The following CMSS1 variants were observed in gnomAD, a reference collection of about 807,000 sequenced individuals.
CMSS1 encodes cms1 ribosomal small subunit homolog.
A neutral mutation model predicts 43.5 loss-of-function variants in CMSS1; 33 were observed. The ratio of observed to expected loss-of-function variants is 0.76; its 90% confidence interval spans 0.57 to 1.01. CMSS1 has a LOEUF of 1.01. CMSS1 is among the 50% of genes least tolerant of loss of function. The pLI is 0.00. For synonymous variants in CMSS1, 115 were observed against 117.2 expected (o/e 0.98, Z 0.12); for missense variants, 313 against 326.4 (o/e 0.96, Z 0.32).
chr3:99,848,455 A>G, intron 1 of CMSS1: 1 of 1,614,186 alleles, frequency 6.2e-7, no homozygotes, highest in South Asian at 1.1e-5. Context: ...AGGGCTGGCT[A>G]CAGCTTGCAT....
At chr3:99,932,989 A>G (rs192222026) in intron 1 of CMSS1, among the ~76,000 whole-genome samples, 2 of 152,186 alleles carry the variant, frequency 1.3e-5, no homozygotes, top group Non-Finnish European at 2.9e-5. Flanking sequence ...AGCATTTTCC[A>G]TGTATTAGCT....
intron 1 of CMSS1, among the ~76,000 whole-genome samples, chr3:99,937,982 G>T (rs1707733894): frequency 1.3e-5 from 2 of 152,182 alleles, no homozygotes; most frequent in African/African-American, 4.8e-5. Context: ...ACTCTCATAA[G>T]AGATAGCAAA....
chr3:99,880,243 T>C (rs1171921831), intron 1 of CMSS1, among the ~76,000 whole-genome samples: 1 of 152,182 alleles, frequency 6.6e-6, no homozygotes, highest in East Asian at 1.9e-4. Flanking sequence ...CTTTCACTCT[T>C]CTTTCAGTTC....
chr3:100,167,927 T>C (rs2067078530), intron 6 of CMSS1, 87 bp downstream of exon 6: 2 of 873,314 alleles, frequency 2.3e-6, no homozygotes, highest in Non-Finnish European at 3.6e-6. Flanking sequence ...GCTGGAGATG[T>C]AGCAATAAAC....
intron 1 of CMSS1, among the ~76,000 whole-genome samples, chr3:100,099,553 C>G (rs1363795240): frequency 6.6e-6 from 1 of 152,138 alleles, no homozygotes. Flanking sequence ...TTAACTAAGT[C>G]ATTTAACTTT....
At chr3:99,911,217 T>C (rs1706777263) in intron 1 of CMSS1, among the ~76,000 whole-genome samples, 1 of 151,912 alleles carries the variant, frequency 6.6e-6, no homozygotes, top group African/African-American at 2.4e-5. Context: ...GTAAAGTAAG[T>C]TTTTATCAGG....
At chr3:100,043,990 C>A (rs574914556) in intron 1 of CMSS1, among the ~76,000 whole-genome samples, 1 of 152,302 alleles carries the variant, frequency 6.6e-6, no homozygotes, top group Non-Finnish European at 1.5e-5. Context: ...CCTCCAGTTC[C>A]ATCCACGTTG....
intron 1 of CMSS1, among the ~76,000 whole-genome samples, chr3:99,961,413 T>TTATATATATATAGCATATATA (rs1385561869): frequency 6.6e-6 from 1 of 152,176 alleles, no homozygotes; most frequent in Non-Finnish European, 1.5e-5. Flanking sequence ...CTACAATGAC[T>TTATATATATATAGCATATATA]CTTATGCTAT....
intron 1 of CMSS1, among the ~76,000 whole-genome samples, chr3:99,954,756 G>A (rs1005312550): frequency 2.0e-5 from 3 of 152,092 alleles, no homozygotes; most frequent in Admixed American, 6.5e-5. Flanking sequence ...AACCCGGGAG[G>A]TGGAGATTGC....
chr3:99,930,692 C>T, intron 1 of CMSS1: 1 of 1,490,972 alleles, frequency 6.7e-7, no homozygotes, highest in Non-Finnish European at 9.2e-7. Context: ...ATATCTATTT[C>T]TGTGGCAGCA....
intron 1 of CMSS1, among the ~76,000 whole-genome samples, chr3:100,057,719 C>T (rs530376466): frequency 6.6e-6 from 1 of 152,276 alleles, no homozygotes; most frequent in South Asian, 2.1e-4. Flanking sequence ...TTCATAAATG[C>T]ATGCATTTGG....
chr3:100,130,613 G>C (rs1406011703), intron 1 of CMSS1, among the ~76,000 whole-genome samples: 1 of 152,226 alleles, frequency 6.6e-6, no homozygotes, highest in African/African-American at 2.4e-5. Flanking sequence ...ACCACCTAGA[G>C]TACGAACTAG....
chr3:99,973,731 C>A (rs1248223626), intron 1 of CMSS1, among the ~76,000 whole-genome samples: 2 of 152,122 alleles, frequency 1.3e-5, no homozygotes, highest in African/African-American at 4.8e-5. Context: ...CCTATTTAAG[C>A]TCACTTTTTT....
chr3:99,880,465 A>G (rs1240506638), intron 1 of CMSS1, among the ~76,000 whole-genome samples: 3 of 152,092 alleles, frequency 2.0e-5, no homozygotes, highest in Non-Finnish European at 4.4e-5. Flanking sequence ...TCCCAGGCCT[A>G]TATATGGTCC....
chr3:99,864,890 A>G (rs1944435957), intron 1 of CMSS1, among the ~76,000 whole-genome samples: 1 of 152,202 alleles, frequency 6.6e-6, no homozygotes, highest in Non-Finnish European at 1.5e-5. Context: ...AACTACATGC[A>G]GGTAATGGTG....
chr3:100,012,782 G>A (rs1362534780), intron 1 of CMSS1, among the ~76,000 whole-genome samples: 1 of 132,108 alleles, frequency 7.6e-6, no homozygotes. Context: ...TTTTTTTTGG[G>A]TTGGGGGAGG....
chr3:99,988,523 A>AG (rs1374891046), intron 1 of CMSS1, among the ~76,000 whole-genome samples: 5 of 142,300 alleles, frequency 3.5e-5, no homozygotes, highest in African/African-American at 7.7e-5. Context: ...AAAAAAAAAA[A>AG]AAAAAAAGAA....
In CMSS1 at chr3:99,968,992, G is replaced by T. The variant is rs1708736414; in HGVS notation, c.64+150949G>T. Among the ~76,000 whole-genome samples, 5 of 152,008 alleles carry T rather than the reference G, an allele frequency of 3.3e-5. No individual in the cohort carries two copies. In the South Asian group the frequency reaches 1.0e-3, roughly 31 times the overall value. On this transcript the variant is annotated intron_variant, in intron 1 of 9. Coordinates refer to ENST00000421999, the MANE Select transcript of CMSS1 (RefSeq NM_032359.4). ...AGAAAAAAAAATTCATTTGATAAAA[G>T]ATTTAAATGGGTTTCTGGGCTTAGA... is the stretch of plus-strand genomic sequence containing the variant.
In CMSS1 at chr3:100,052,506, G is replaced by C. The variant is rs115168407; in HGVS notation, c.65-94467G>C. Among the ~76,000 whole-genome samples the C allele has an allele frequency of 7.2e-3, 1,098 of 152,200 alleles. 4 individuals are homozygous for C. Among genetic ancestry groups the C allele is most frequent in the African/African-American group, 0.01 (417 of 41,514 alleles). Reference sequence around the variant, plus strand: ...TGGCACCATTTGTGTTATTATTGTGGTTTTATTAACTGAACCTCTAAGTGA... The same window carrying C: ...TGGCACCATTTGTGTTATTATTGTGCTTTTATTAACTGAACCTCTAAGTGA... On this transcript the variant is annotated intron_variant, in intron 1 of 9. Transcript: ENST00000421999.
Sources: gnomAD v4.1 joint callset for allele counts (sites outside exome capture counted in the v4.1 genomes callset) on GRCh38, gnomAD v4.1.1 for gene constraint, MANE v1.5 for transcripts, NCBI Gene and HGNC (gene_info 2026-07-23, HGNC 2026-07-21) for gene names.